Variants in ATP8A2 observed in about 807,000 individuals in gnomAD.
The protein encoded by ATP8A2 is ATPase phospholipid transporting 8A2.
ATP8A2 carries 100 observed loss-of-function variants against 165.6 expected under a neutral mutation model. That is an observed-to-expected ratio of 0.60 (90% CI 0.51 to 0.71). ATP8A2 has a LOEUF of 0.71. ATP8A2 is among the 30% of genes least tolerant of loss of function. ATP8A2 has a pLI of 0.00. For missense variants in ATP8A2, 1,227 were observed against 1,479.5 expected, an observed-to-expected ratio of 0.83 and a Z score of 2.80; for synonymous variants, 543 against 548.8, an observed-to-expected ratio of 0.99 and a Z score of 0.15.
chr13:25,421,562 A>G lies in ATP8A2; in HGVS notation c.77-47415A>G, dbSNP rs57150160. ...GTTGCCCAGGCTGATCTTGAGCTCCAGGGCTCCAGTGATTCTCCTGCCTCA... is the reference window on the plus strand; with the variant it reads ...GTTGCCCAGGCTGATCTTGAGCTCCGGGGCTCCAGTGATTCTCCTGCCTCA... On this transcript the variant is annotated intron_variant, in intron 1 of 36. Coordinates refer to ENST00000381655, the MANE Select transcript of ATP8A2 (RefSeq NM_016529.6). Among the ~76,000 whole-genome samples, 46 of 152,354 alleles carry G rather than the reference A, an allele frequency of 3.0e-4. 1 individual carries two copies. The East Asian group carries it at 8.5e-3, about 28-fold the overall frequency.
intron 1 of ATP8A2, among the ~76,000 whole-genome samples, chr13:25,412,678 G>A (rs1266005455): frequency 6.6e-6 from 1 of 152,180 alleles, no homozygotes; most frequent in Non-Finnish European, 1.5e-5. Flanking sequence ...TGGTAAAAAG[G>A]AGGTAGGGGC....
chr13:25,791,587 C>A (rs1036922559), intron 27 of ATP8A2, among the ~76,000 whole-genome samples: 2 of 142,826 alleles, frequency 1.4e-5, no homozygotes, highest in Non-Finnish European at 3.0e-5. Flanking sequence ...TCCAGCTACT[C>A]CTACTAAGCA....
intron 24 of ATP8A2, among the ~76,000 whole-genome samples, chr13:25,692,947 T>C (rs1378072577): frequency 6.6e-6 from 1 of 152,224 alleles, no homozygotes; most frequent in Non-Finnish European, 1.5e-5. Flanking sequence ...ATATACAGTT[T>C]AATGTTAACA....
intron 34 of ATP8A2, among the ~76,000 whole-genome samples, chr13:25,962,745 AT>A (rs1566307922): frequency 6.6e-6 from 1 of 152,276 alleles, no homozygotes; most frequent in East Asian, 1.9e-4. Context: ...ATCAGATTTC[AT>A]TTTTAGCCCT....
intron 33 of ATP8A2, among the ~76,000 whole-genome samples, chr13:25,920,851 T>C (rs1593561380): frequency 6.6e-6 from 1 of 152,126 alleles, no homozygotes. Context: ...CCGAGGTGGG[T>C]GAATCACTTG....
chr13:25,641,763 C>G (rs1021406103), intron 24 of ATP8A2, among the ~76,000 whole-genome samples: 3 of 151,844 alleles, frequency 2.0e-5, no homozygotes, highest in Non-Finnish European at 1.5e-5. Context: ...CTTTAAAGTT[C>G]ATATGGAACC....
intron 33 of ATP8A2, chr13:25,871,092 C>T (rs951813914): frequency 2.7e-5 from 7 of 263,824 alleles, no homozygotes; most frequent in East Asian, 2.5e-4. Context: ...TTAGAGGCCC[C>T]GCGGCTTTGA....
intron 25 of ATP8A2, among the ~76,000 whole-genome samples, chr13:25,715,685 A>G (rs1411322762): frequency 1.3e-5 from 2 of 152,212 alleles, no homozygotes; most frequent in Non-Finnish European, 2.9e-5. Flanking sequence ...GATATATCAC[A>G]TGTAGTTTAT....
At chr13:25,719,922 C>G (rs921409450) in intron 25 of ATP8A2, among the ~76,000 whole-genome samples, 1 of 151,974 alleles carries the variant, frequency 6.6e-6, no homozygotes, top group Non-Finnish European at 1.5e-5. Context: ...GGTGGGGCCT[C>G]TGGTGGCTCC....
intron 24 of ATP8A2, among the ~76,000 whole-genome samples, chr13:25,685,517 C>T (rs754397562): frequency 6.6e-6 from 1 of 151,942 alleles, no homozygotes; most frequent in Non-Finnish European, 1.5e-5. Context: ...GTACATGCCC[C>T]AAGGGAAATA....
chr13:25,666,520 G>A (rs1012000740), intron 24 of ATP8A2, among the ~76,000 whole-genome samples: 2 of 152,188 alleles, frequency 1.3e-5, no homozygotes, highest in African/African-American at 4.8e-5. Flanking sequence ...GATAACAGGC[G>A]TGAGTCACCA....
At chr13:25,773,113 T>C (rs1226030988) in intron 26 of ATP8A2, among the ~76,000 whole-genome samples, 1 of 152,188 alleles carries the variant, frequency 6.6e-6, no homozygotes, top group East Asian at 1.9e-4. Flanking sequence ...AGTATATAAC[T>C]GCAAAAGAAT....
intron 1 of ATP8A2, among the ~76,000 whole-genome samples, chr13:25,384,077 T>G (rs561885680): frequency 6.6e-6 from 1 of 152,342 alleles, no homozygotes; most frequent in East Asian, 1.9e-4. Context: ...TCTTCACAAG[T>G]AAGTGACAGT....
intron 1 of ATP8A2, among the ~76,000 whole-genome samples, chr13:25,394,644 A>G (rs937034583): frequency 3.3e-5 from 5 of 152,208 alleles, no homozygotes; most frequent in African/African-American, 1.2e-4. Context: ...TCACCCTGAA[A>G]TATGCCTTTT....
rs148858532 is a variant in ATP8A2, at chr13:25,557,257, G to T, written c.1264-1716G>T. On this transcript the variant is annotated intron_variant, in intron 13 of 36. Transcript: ENST00000381655. ...TATTACAGAGAATGTCCTTGGCACAGAGCACAAATCCTCCCATTGCCTTTG... is the reference window on the plus strand; with the variant it reads ...TATTACAGAGAATGTCCTTGGCACATAGCACAAATCCTCCCATTGCCTTTG... Among the ~76,000 whole-genome samples, 322 of 152,326 alleles carry T rather than the reference G, an allele frequency of 2.1e-3. 1 individual carries two copies. Among genetic ancestry groups the T allele is most frequent in the African/African-American group, 6.7e-3 (277 of 41,584 alleles).
At chr13:25,837,420 C>T (rs985051177) in intron 29 of ATP8A2, 135 bp downstream of exon 29, 1 of 625,306 alleles carries the variant, frequency 1.6e-6, no homozygotes, top group Non-Finnish European at 2.6e-6. Context: ...ACTCACCCCA[C>T]CACCACACAC....
At chr13:25,910,922 C>T (rs1386615791) in intron 33 of ATP8A2, among the ~76,000 whole-genome samples, 1 of 141,282 alleles carries the variant, frequency 7.1e-6, no homozygotes, top group Non-Finnish European at 1.5e-5. Context: ...TTATCCCTCT[C>T]AATTTTTTTT....
chr13:25,689,123 G>C (rs1163454557), intron 24 of ATP8A2, among the ~76,000 whole-genome samples: 1 of 152,202 alleles, frequency 6.6e-6, no homozygotes, highest in African/African-American at 2.4e-5. Context: ...AAATCTCCAA[G>C]AGTCAGGAAG....
intron 34 of ATP8A2, among the ~76,000 whole-genome samples, chr13:25,965,437 C>T (rs1332320074): frequency 6.6e-6 from 1 of 152,144 alleles, no homozygotes; most frequent in African/African-American, 2.4e-5. Context: ...CCATAAAATG[C>T]CTACGCTATT....
Sources: allele counts gnomAD v4.1 joint callset (sites outside exome capture counted in the v4.1 genomes callset), GRCh38; gene constraint gnomAD v4.1.1; transcripts MANE v1.5; gene names NCBI Gene and HGNC (gene_info 2026-07-23, HGNC 2026-07-21).